The following DLG2 variants were observed in gnomAD, a reference collection of about 807,000 sequenced individuals.
DLG2 encodes disks large homolog 2.
Under a neutral mutation model 132.5 loss-of-function variants are expected in DLG2, and 45 were observed. The ratio of observed to expected loss-of-function variants is 0.34; its 90% confidence interval spans 0.27 to 0.44. The LOEUF (loss-of-function observed/expected upper bound fraction) is 0.44. Ranked by LOEUF, DLG2 falls within the 20% of genes least tolerant of loss-of-function variation. The pLI, the probability that DLG2 is intolerant of heterozygous loss-of-function variation, is 1.00. For synonymous variants in DLG2, 424 were observed against 419.6 expected, an observed-to-expected ratio of 1.01 and a Z score of -0.13; for missense variants, 1,045 against 1,196.9, an observed-to-expected ratio of 0.87 and a Z score of 1.87.
intron 11 of DLG2, among the ~76,000 whole-genome samples, chr11:84,002,238 A>G (rs575583894): frequency 6.6e-6 from 1 of 152,330 alleles, no homozygotes; most frequent in South Asian, 2.1e-4. Flanking sequence ...CCATTGATAC[A>G]TGCATTAGTC....
At chr11:85,340,332 C>T (rs1344087936) in intron 3 of DLG2, among the ~76,000 whole-genome samples, 1 of 152,198 alleles carries the variant, frequency 6.6e-6, no homozygotes, top group African/African-American at 2.4e-5. Context: ...AGTTCATGTC[C>T]TTTGCAGGGA....
At chr11:85,624,095 G>A (rs2081908283) in intron 2 of DLG2, among the ~76,000 whole-genome samples, 1 of 152,176 alleles carries the variant, frequency 6.6e-6, no homozygotes, top group Non-Finnish European at 1.5e-5. Flanking sequence ...AAACAGAAGA[G>A]TCTTCTGTTG....
intron 19 of DLG2, among the ~76,000 whole-genome samples, chr11:83,622,376 G>A (rs1591129440): frequency 6.6e-6 from 1 of 152,180 alleles, no homozygotes; most frequent in Non-Finnish European, 1.5e-5. Context: ...GAGCTATGCT[G>A]GCTGTAGAAT....
intron 6 of DLG2, among the ~76,000 whole-genome samples, chr11:84,872,685 G>A (rs1321859268): frequency 6.6e-6 from 1 of 152,138 alleles, no homozygotes; most frequent in South Asian, 2.1e-4. Context: ...TAATGTGCCC[G>A]AATTTCACAT....
intron 5 of DLG2, among the ~76,000 whole-genome samples, chr11:85,137,031 T>C (rs570655651): frequency 6.6e-6 from 1 of 152,006 alleles, no homozygotes; most frequent in African/African-American, 2.4e-5. Context: ...AATTTAAAAA[T>C]AAATATATTG....
chr11:84,355,652 A>C (rs1433746157), intron 7 of DLG2, among the ~76,000 whole-genome samples: 1 of 152,158 alleles, frequency 6.6e-6, no homozygotes, highest in Non-Finnish European at 1.5e-5. Context: ...TTATAGCTTT[A>C]GAGAGTCATT....
chr11:85,496,856 TAACA>T (rs199949172), intron 3 of DLG2, among the ~76,000 whole-genome samples: 2,338 of 152,156 alleles, frequency 0.015, 31 homozygotes, highest in Non-Finnish European at 0.022. Context: ...GAAGGAAAAC[TAACA>T]AACAGAAAGG....
intron 7 of DLG2, among the ~76,000 whole-genome samples, chr11:84,386,603 A>T (rs1012045329): frequency 2.6e-5 from 4 of 152,156 alleles, no homozygotes; most frequent in Non-Finnish European, 4.4e-5. Flanking sequence ...ATATTGCTAA[A>T]AGTTGAAAAT....
intron 2 of DLG2, among the ~76,000 whole-genome samples, chr11:85,599,493 G>A (rs1182122038): frequency 6.6e-6 from 1 of 151,016 alleles, no homozygotes; most frequent in Non-Finnish European, 1.5e-5. Flanking sequence ...TTCTTGTCAG[G>A]CAAATCTAGG....
intron 8 of DLG2, among the ~76,000 whole-genome samples, chr11:84,174,819 A>C (rs375805265): frequency 3.3e-5 from 5 of 152,214 alleles, no homozygotes; most frequent in African/African-American, 1.2e-4. Context: ...AACAATAAAA[A>C]TGATTACTAC....
At chr11:83,709,349 A>T (rs1431875955) in intron 18 of DLG2, among the ~76,000 whole-genome samples, 2 of 148,034 alleles carry the variant, frequency 1.4e-5, no homozygotes, top group Non-Finnish European at 3.0e-5. Flanking sequence ...CATATATATA[A>T]TATATATACA....
intron 6 of DLG2, among the ~76,000 whole-genome samples, chr11:84,688,514 G>A (rs2099740069): frequency 6.6e-6 from 1 of 152,230 alleles, no homozygotes; most frequent in South Asian, 2.1e-4. Context: ...TTGAGCCCTT[G>A]CTCCCTTCCA....
chr11:85,128,126 C>T (rs538062771), intron 5 of DLG2, among the ~76,000 whole-genome samples: 1 of 152,072 alleles, frequency 6.6e-6, no homozygotes, highest in East Asian at 1.9e-4. Context: ...TGTACATTAA[C>T]CTGTTATACA....
chr11:83,846,614 C>A (rs2058654070), intron 16 of DLG2, among the ~76,000 whole-genome samples: 1 of 152,146 alleles, frequency 6.6e-6, no homozygotes, highest in Non-Finnish European at 1.5e-5. Context: ...TTGTAAAACT[C>A]TTTTCCTTCT....
chr11:85,600,435 G>C (rs2080074222), intron 2 of DLG2, among the ~76,000 whole-genome samples: 1 of 152,108 alleles, frequency 6.6e-6, no homozygotes, highest in Admixed American at 6.6e-5. Flanking sequence ...TTAAAAACTA[G>C]TTCAGATAAA....
Position 83,887,700 on chromosome 11 carries a change from A to G in DLG2, c.1497-13212T>C, listed in dbSNP as rs1057279402. On this transcript the variant is annotated intron_variant, in intron 15 of 27. Coordinates refer to ENST00000376104, the MANE Select transcript of DLG2 (RefSeq NM_001142699.3). ...ATGAACATTGATGCAAAAATCCTCA[A>G]TAAAATACTGGCAAACCGAATCCAG... Among the ~76,000 whole-genome samples, 510 of 150,396 alleles carry G rather than the reference A, an allele frequency of 3.4e-3. 2 individuals carry two copies. The highest frequency in any genetic ancestry group is 0.013 in the Admixed American group (200 of 15,128).
At chr11:83,584,303 C>G (rs920507865) in intron 19 of DLG2, among the ~76,000 whole-genome samples, 1 of 152,144 alleles carries the variant, frequency 6.6e-6, no homozygotes, top group Admixed American at 6.5e-5. Flanking sequence ...AATACACTTA[C>G]GAAAATATGT....
At chr11:84,451,037 A>G (rs2099050186) in intron 7 of DLG2, among the ~76,000 whole-genome samples, 1 of 151,920 alleles carries the variant, frequency 6.6e-6, no homozygotes, top group Non-Finnish European at 1.5e-5. Context: ...AAAATTTGAA[A>G]TTATTTTTTA....
chr11:83,676,200 A>G (rs1176198308), intron 18 of DLG2, among the ~76,000 whole-genome samples: 1 of 152,162 alleles, frequency 6.6e-6, no homozygotes, highest in African/African-American at 2.4e-5. Context: ...CATTGCCAGG[A>G]TCTCTTTCTA....
Sources: gnomAD v4.1 joint callset for allele counts (sites outside exome capture counted in the v4.1 genomes callset) on GRCh38, gnomAD v4.1.1 for gene constraint, MANE v1.5 for transcripts, NCBI Gene and HGNC (gene_info 2026-07-23, HGNC 2026-07-21) for gene names.